Variants in TTC23 observed in about 807,000 individuals in gnomAD.
TTC23 encodes tetratricopeptide repeat domain 23, also known as tetratricopeptide repeat protein 23.
TTC23 carries 58 observed loss-of-function variants against 55.1 expected under a neutral mutation model. That is an observed-to-expected ratio of 1.05 (90% CI 0.85 to 1.31). The LOEUF is 1.31. TTC23 is among the 50% of genes most tolerant of loss of function. TTC23 has a pLI of 0.00. For synonymous variants in TTC23, 203 were observed against 199.9 expected, an observed-to-expected ratio of 1.02 and a Z score of -0.13; for missense variants, 516 against 534.4, an observed-to-expected ratio of 0.97 and a Z score of 0.34.
chr15:99,140,552 T>G (rs1555489852), intron 12 of TTC23: 1 of 152,026 alleles, frequency 6.6e-6, no homozygotes, highest in Non-Finnish European at 1.5e-5. Flanking sequence ...GCATTTTTAG[T>G]AGAGATGAGG....
At chr15:99,202,312 T>C (rs1159687964) in intron 8 of TTC23, among the ~76,000 whole-genome samples, 4 of 152,186 alleles carry the variant, frequency 2.6e-5, no homozygotes, top group Non-Finnish European at 5.9e-5. Flanking sequence ...TTCCTCGTCA[T>C]GTTCATAAAA....
chr15:99,246,646 C>A (rs963349332), intron 1 of TTC23, among the ~76,000 whole-genome samples: 1 of 151,744 alleles, frequency 6.6e-6, no homozygotes. Context: ...CATGGGCTGG[C>A]GCGATGGCTC....
At chr15:99,199,031 G>A (rs528544671) in intron 9 of TTC23, among the ~76,000 whole-genome samples, 1 of 152,280 alleles carries the variant, frequency 6.6e-6, no homozygotes, top group South Asian at 2.1e-4. Flanking sequence ...CTGGTCAAAC[G>A]CTAGTCTAGG....
chr15:99,209,990 A>G (rs770019274), intron 8 of TTC23, among the ~76,000 whole-genome samples: 1 of 152,172 alleles, frequency 6.6e-6, no homozygotes, highest in Non-Finnish European at 1.5e-5. Context: ...TCCTGGGCTC[A>G]AATGGTCCGC....
At chr15:99,225,534 G>C (rs979400157) in intron 5 of TTC23, among the ~76,000 whole-genome samples, 1 of 152,158 alleles carries the variant, frequency 6.6e-6, no homozygotes, top group Non-Finnish European at 1.5e-5. Context: ...TGGCAGATAC[G>C]GAACAATCCG....
At chr15:99,218,758 A>G (rs188482812) in intron 7 of TTC23, 45 bp from the exon 8 acceptor site, 3 of 1,612,082 alleles carry the variant, frequency 1.9e-6, no homozygotes, top group East Asian at 4.5e-5. Context: ...TAGATTCTAC[A>G]CCCCATGTCC....
chr15:99,180,890 A>C (rs1347091450), intron 9 of TTC23, among the ~76,000 whole-genome samples: 1 of 152,212 alleles, frequency 6.6e-6, no homozygotes, highest in East Asian at 1.9e-4. Context: ...AGAAGTCTTC[A>C]ACTTAGTCAC....
At chr15:99,159,472 C>T (rs1462418796) in intron 11 of TTC23, 1 of 152,130 alleles carries the variant, frequency 6.6e-6, no homozygotes, top group Non-Finnish European at 1.5e-5. Context: ...CTAATGAAGC[C>T]TGGGGAGAGG....
chr15:99,184,233 G>A (rs959395796), intron 9 of TTC23, among the ~76,000 whole-genome samples: 1 of 152,190 alleles, frequency 6.6e-6, no homozygotes, highest in Non-Finnish European at 1.5e-5. Flanking sequence ...CCTACACAGA[G>A]TCTCCACTGG....
At chr15:99,177,687 T>C (rs950699451) in intron 9 of TTC23, among the ~76,000 whole-genome samples, 2 of 152,240 alleles carry the variant, frequency 1.3e-5, no homozygotes, top group Admixed American at 1.3e-4. Flanking sequence ...GTATTTTAGA[T>C]TAAAACCAAA....
intron 2 of TTC23, among the ~76,000 whole-genome samples, chr15:99,244,649 C>A (rs142073745): frequency 1.3e-5 from 2 of 152,174 alleles, no homozygotes; most frequent in African/African-American, 4.8e-5. Context: ...GATCTAAATA[C>A]ATGGACATTC....
intron 3 of TTC23, among the ~76,000 whole-genome samples, chr15:99,239,037 A>G (rs1041386113): frequency 2.6e-5 from 4 of 152,246 alleles, no homozygotes; most frequent in African/African-American, 9.6e-5. Context: ...TTTCAGGCTA[A>G]GAGTTTGATT....
In TTC23 at chr15:99,249,526, G is replaced by A. The variant is rs971365718; in HGVS notation, c.-786C>T. 2 of 152,148 alleles carry A rather than the reference G, an allele frequency of 1.3e-5. No homozygotes were observed. The highest frequency in any genetic ancestry group is 4.8e-5 in the African/African-American group (2 of 41,404). The allele number at this position is 152,148 out of a possible 1,614,324, so 9.4% of individuals were successfully genotyped here. A position where few individuals can be genotyped will look rare whatever the true frequency, so the allele number is the denominator to read the frequency against. ...TGTACAGATTGATAACCATGAAAAA[G>A]TCTAAAGTAGGGCAGTTCCGGAGCA... is the stretch of plus-strand genomic sequence containing the variant. On this transcript the variant is annotated 5_prime_UTR_variant, in exon 1 of 14. Transcript: ENST00000394132.
chr15:99,204,632 G>GTTTTTTT (rs56890685), intron 8 of TTC23, among the ~76,000 whole-genome samples: 10,967 of 60,452 alleles, frequency 0.18, 2,677 homozygotes, highest in Non-Finnish European at 0.23. Flanking sequence ...TAGATTTAAG[G>GTTTTTTT]TTTTTTTTTT....
At chr15:99,177,469 C>T (rs1459059047) in intron 9 of TTC23, among the ~76,000 whole-genome samples, 1 of 152,116 alleles carries the variant, frequency 6.6e-6, no homozygotes, top group East Asian at 1.9e-4. Flanking sequence ...CAATAGCAGC[C>T]ACAGGGATAG....
At chr15:99,176,828 G>A (rs2073614806) in intron 9 of TTC23, among the ~76,000 whole-genome samples, 1 of 152,190 alleles carries the variant, frequency 6.6e-6, no homozygotes, top group South Asian at 2.1e-4. Flanking sequence ...AAGAGATAGA[G>A]ATAAGAGTCT....
At chr15:99,149,893 C>T (rs1219959626) in intron 12 of TTC23, among the ~76,000 whole-genome samples, 3 of 152,164 alleles carry the variant, frequency 2.0e-5, no homozygotes, top group African/African-American at 7.2e-5. Context: ...CCTGTTCAGC[C>T]CTGCTCAAGT....
intron 2 of TTC23, among the ~76,000 whole-genome samples, chr15:99,243,689 G>A (rs549082549): frequency 6.6e-6 from 1 of 152,228 alleles, no homozygotes; most frequent in South Asian, 2.1e-4. Flanking sequence ...GAAACTGAAG[G>A]ATATTATACT....
chr15:99,210,009 G>T lies in TTC23; in HGVS notation c.581+8579C>A, dbSNP rs371039145. 2.0e-5 allele frequency among the ~76,000 whole-genome samples: 3 copies of T among 152,220 alleles called. No individual in the cohort carries two copies. In the South Asian group the frequency reaches 6.2e-4, roughly 32 times the overall value. ...GGGCTCAAATGGTCCGCCTGCTTCG[G>T]CCTCCCAAAGTTCTGGGATTACAGG... On this transcript the variant is annotated intron_variant, in intron 8 of 13. Transcript: ENST00000394132.
Sources: allele counts gnomAD v4.1 joint callset (sites outside exome capture counted in the v4.1 genomes callset), GRCh38; gene constraint gnomAD v4.1.1; transcripts MANE v1.5; gene names NCBI Gene and HGNC (gene_info 2026-07-23, HGNC 2026-07-21).